MYO5B: variants seen among roughly 807,000 people sequenced by gnomAD.
MYO5B encodes myosin VB.
Under a neutral mutation model 229.3 loss-of-function variants are expected in MYO5B, and 143 were observed. The ratio of observed to expected loss-of-function variants is 0.62; its 90% CI spans 0.54 to 0.72. MYO5B has a LOEUF of 0.72. Among genes scored for constraint, MYO5B ranks in the 30% least tolerant of loss-of-function variants. MYO5B has a pLI of 0.00. For missense variants in MYO5B, 2,321 were observed against 2,331.0 expected, an observed-to-expected ratio of 1.00 and a Z score of 0.09; for synonymous variants, 918 against 885.2, an observed-to-expected ratio of 1.04 and a Z score of -0.66.
At chr18:49,943,101 C>T (rs1382275387) in intron 14 of MYO5B, among the ~76,000 whole-genome samples, 1 of 151,052 alleles carries the variant, frequency 6.6e-6, no homozygotes, top group Non-Finnish European at 1.5e-5. Context: ...TCATTCTCAG[C>T]AAACTATCAC....
chr18:49,914,216 G>T (rs886352243), intron 17 of MYO5B, among the ~76,000 whole-genome samples: 1 of 152,114 alleles, frequency 6.6e-6, no homozygotes, highest in African/African-American at 2.4e-5. Context: ...GCTGCTGTGG[G>T]GCTAGAGCCC....
At chr18:50,103,307 A>G (rs1257035210) in intron 1 of MYO5B, among the ~76,000 whole-genome samples, 1 of 152,144 alleles carries the variant, frequency 6.6e-6, no homozygotes, top group African/African-American at 2.4e-5. Context: ...CTACCAACCT[A>G]AACTATGGAG....
At chr18:50,011,167 C>G (rs1483864024) in intron 4 of MYO5B, among the ~76,000 whole-genome samples, 1 of 152,098 alleles carries the variant, frequency 6.6e-6, no homozygotes, top group African/African-American at 2.4e-5. Context: ...ATGGTGAAAC[C>G]CTGACTCTAC....
At chr18:50,076,359 T>C (rs922817456) in intron 1 of MYO5B, among the ~76,000 whole-genome samples, 2 of 151,344 alleles carry the variant, frequency 1.3e-5, no homozygotes, top group African/African-American at 2.4e-5. Context: ...ACCCTGAGAG[T>C]AAGGGGCACC....
intron 10 of MYO5B, among the ~76,000 whole-genome samples, chr18:49,963,507 C>T (rs2025587230): frequency 6.6e-6 from 1 of 152,178 alleles, no homozygotes; most frequent in Admixed American, 6.5e-5. Context: ...ACTGCAACCT[C>T]TGTCTCCCAG....
At chr18:50,154,021 T>G (rs771336763) in intron 1 of MYO5B, among the ~76,000 whole-genome samples, 5 of 152,306 alleles carry the variant, frequency 3.3e-5, no homozygotes, top group African/African-American at 1.2e-4. Context: ...TTAGACTTCC[T>G]GGGCTCTCAA....
chr18:49,920,632 G>A (rs1299841759), intron 17 of MYO5B, among the ~76,000 whole-genome samples: 2 of 152,164 alleles, frequency 1.3e-5, no homozygotes, highest in African/African-American at 4.8e-5. Flanking sequence ...ACAAAGTGAG[G>A]ACACAGGAAA....
chr18:50,109,287 G>C (rs2031820050), intron 1 of MYO5B, among the ~76,000 whole-genome samples: 1 of 152,188 alleles, frequency 6.6e-6, no homozygotes, highest in South Asian at 2.1e-4. Context: ...GAAAAACCAT[G>C]AGTGCTAGGC....
chr18:49,990,111 G>C (rs1050348156), intron 7 of MYO5B, among the ~76,000 whole-genome samples: 1 of 152,112 alleles, frequency 6.6e-6, no homozygotes, highest in Non-Finnish European at 1.5e-5. Flanking sequence ...TAGATTCTTA[G>C]GTTTGGGACA....
chr18:50,059,357 C>A (rs1203146034), intron 1 of MYO5B, among the ~76,000 whole-genome samples: 3 of 152,124 alleles, frequency 2.0e-5, no homozygotes, highest in East Asian at 1.9e-4. Context: ...TAAAAATATG[C>A]CCTAATGGGG....
chr18:49,848,454 A>G (rs2024158296), intron 32 of MYO5B, among the ~76,000 whole-genome samples: 1 of 152,232 alleles, frequency 6.6e-6, no homozygotes, highest in Non-Finnish European at 1.5e-5. Flanking sequence ...CACCCAGGGA[A>G]GGGTGCTCCA....
At chr18:50,117,876 C>T (rs1445230543) in intron 1 of MYO5B, among the ~76,000 whole-genome samples, 1 of 152,116 alleles carries the variant, frequency 6.6e-6, no homozygotes, top group East Asian at 1.9e-4. Context: ...GGTCCAGGGG[C>T]TCACGATCTG....
At chr18:49,886,506 C>T (rs1427345261) in intron 22 of MYO5B, among the ~76,000 whole-genome samples, 2 of 152,126 alleles carry the variant, frequency 1.3e-5, no homozygotes, top group African/African-American at 4.8e-5. Flanking sequence ...CAGTCAGGGA[C>T]TCTCGGTATG....
At chr18:49,928,648 G>A (rs190879001) in intron 17 of MYO5B, among the ~76,000 whole-genome samples, 1,885 of 152,212 alleles carry the variant, frequency 0.012, 23 homozygotes, top group Non-Finnish European at 0.018. Flanking sequence ...AAAAGAAGTC[G>A]TTATATGAAA....
intron 22 of MYO5B, among the ~76,000 whole-genome samples, chr18:49,886,616 T>A (rs2024644589): frequency 7.2e-6 from 1 of 139,210 alleles, no homozygotes; most frequent in African/African-American, 2.7e-5. Flanking sequence ...ACCAAGTTAT[T>A]ATTCTTTGGC....
chr18:50,135,423 T>C (rs2032320573), intron 1 of MYO5B, among the ~76,000 whole-genome samples: 1 of 152,202 alleles, frequency 6.6e-6, no homozygotes. Context: ...GATGATCATA[T>C]TCGTCTTTGC....
At chr18:49,950,989 C>G (rs2025425225) in intron 14 of MYO5B, among the ~76,000 whole-genome samples, 1 of 152,202 alleles carries the variant, frequency 6.6e-6, no homozygotes, top group South Asian at 2.1e-4. Context: ...TGCTTTCCTT[C>G]TGGGAGTTTG....
At chr18:49,894,735 G>C (rs888051780) in intron 22 of MYO5B, among the ~76,000 whole-genome samples, 1 of 152,230 alleles carries the variant, frequency 6.6e-6, no homozygotes, top group African/African-American at 2.4e-5. Context: ...ATAGTGTCCA[G>C]CTAACAGCAG....
Position 49,937,460 on chromosome 18 carries a change from C to T in MYO5B, c.1753-63G>A, listed in dbSNP as rs762763682. On this transcript the variant is annotated intron_variant, in intron 14 of 39. Transcript: ENST00000285039. ...CTCCTGCACCTTACATGTTTCCTCT[C>T]AAAGCTGCTTTTCAACATATACCTG... 2.3e-4 allele frequency: 357 copies of T among 1,576,218 alleles called. 1 individual carries two copies. The highest frequency in any genetic ancestry group is 1.5e-3 in the Middle Eastern group (9 of 6,010).
Sources: gnomAD v4.1 joint callset for allele counts (sites outside exome capture counted in the v4.1 genomes callset) on GRCh38, gnomAD v4.1.1 for gene constraint, MANE v1.5 for transcripts, NCBI Gene and HGNC (gene_info 2026-07-23, HGNC 2026-07-21) for gene names.